MYBPHL: variants seen among roughly 807,000 people sequenced by gnomAD.
The protein encoded by MYBPHL is myosin binding protein H like.
In MYBPHL, 32 loss-of-function variants were observed where a neutral mutation model predicts 39.5. The observed-to-expected ratio is 0.81, with a 90% CI of 0.61 to 1.09. The LOEUF (loss-of-function observed/expected upper bound fraction) is 1.09, where lower values mean the gene tolerates loss of function less well. Ranked by LOEUF, MYBPHL falls within the 50% of genes least tolerant of loss-of-function variation. MYBPHL has a pLI of 0.00. For missense variants in MYBPHL, 456 were observed against 460.2 expected, an observed-to-expected ratio of 0.99 and a Z score of 0.08; for synonymous variants, 196 against 183.7, an observed-to-expected ratio of 1.07 and a Z score of -0.54.
At chr1:109,304,425 G>A (rs1658395470) in intron 1 of MYBPHL, among the ~76,000 whole-genome samples, 1 of 152,234 alleles carries the variant, frequency 6.6e-6, no homozygotes, top group Non-Finnish European at 1.5e-5. Flanking sequence ...CGATGATGCT[G>A]AAGTCAGCAG....
Position 109,294,131 on chromosome 1 carries a change from C to T in MYBPHL, c.*33+75G>A, listed in dbSNP as rs540047149. On this transcript the variant is annotated intron_variant, in intron 8 of 8. Coordinates refer to ENST00000357155, the MANE Select transcript of MYBPHL (RefSeq NM_001010985.3). ...ATGACTGAAAGGCTCAGGAATGCACCTCTGTCCCTGACTCAACAACACTAG... is the reference window on the plus strand; with the variant it reads ...ATGACTGAAAGGCTCAGGAATGCACTTCTGTCCCTGACTCAACAACACTAG... 1.0e-4 allele frequency: 102 copies of T among 997,826 alleles called. 3 individuals are homozygous for T. In the South Asian group the frequency reaches 1.2e-3, roughly 11 times the overall value. The allele number at this position is 997,826 out of a possible 1,614,324, so 61.8% of individuals were successfully genotyped here.
rs3738777 is a variant in MYBPHL, at chr1:109,294,213, A to G, written c.*26T>C. The G allele has an allele frequency of 0.31, 493,709 of 1,592,632 alleles. 80,189 individuals are homozygous for G. The highest frequency in any genetic ancestry group is 0.48 in the East Asian group (21,338 of 44,740). On this transcript the variant is annotated 3_prime_UTR_variant, in exon 8 of 9. Coordinates refer to ENST00000357155, the MANE Select transcript of MYBPHL (RefSeq NM_001010985.3). ...TTGCCTCTCTTTACTTACCTTTGTC[A>G]GAGTACCATGCCTTCTTAGGTGTCC... is the stretch of plus-strand genomic sequence containing the variant.
intron 1 of MYBPHL, among the ~76,000 whole-genome samples, chr1:109,300,499 C>A (rs558427923): frequency 4.6e-5 from 7 of 152,346 alleles, no homozygotes; most frequent in Admixed American, 3.9e-4. Flanking sequence ...CCCCGCCCTG[C>A]TGAGACCTCA....
Position 109,301,966 on chromosome 1 carries a change from A to G in MYBPHL, c.146-3709T>C, listed in dbSNP as rs1406103471. Among the ~76,000 whole-genome samples the G allele has an allele frequency of 3.9e-5, 6 of 152,126 alleles. No individual in the cohort carries two copies. In the East Asian group the frequency reaches 1.2e-3, roughly 29 times the overall value. On this transcript the variant is annotated intron_variant, in intron 1 of 8. Transcript: ENST00000357155. Reference sequence around the variant, plus strand: ...ATAGTTCAGACCGATGTTACTAACTATGACCTGGAGAGCCAAGAACCAAGA... The same window carrying G: ...ATAGTTCAGACCGATGTTACTAACTGTGACCTGGAGAGCCAAGAACCAAGA...
Position 109,297,113 on chromosome 1 carries a change from G to A in MYBPHL, c.507C>T (p.Pro169=). ...GFSATLEWTP[P]QDTGNTALLG... The stretch of plus-strand genomic sequence containing the variant: ...GAAGTGCTGTATTCCCCGTATCTTG[G>A]GGCGGTGTCCATTCCAGTGTAGCGC... Residue 169 remains proline, a synonymous_variant, in exon 4 of 9, where the codon CCC becomes CCT. Coordinates refer to ENST00000357155, the MANE Select transcript of MYBPHL (RefSeq NM_001010985.3). 6.2e-7 allele frequency: 1 copy of A among 1,614,120 alleles called. No individual in the cohort carries two copies.
At chr1:109,300,627 A>T (rs1658244563) in intron 1 of MYBPHL, among the ~76,000 whole-genome samples, 1 of 152,252 alleles carries the variant, frequency 6.6e-6, no homozygotes, top group South Asian at 2.1e-4. Flanking sequence ...ACCTGAACTA[A>T]AGAGAAAAAT....
chr1:109,306,721 C>T lies in MYBPHL; in HGVS notation c.145+126G>A. 3 of 772,690 alleles carry T rather than the reference C, an allele frequency of 3.9e-6. No homozygotes were observed. In the South Asian group the frequency reaches 7.2e-5, roughly 18 times the overall value. The allele number at this position is 772,690 out of a possible 1,614,324, so 47.9% of individuals were successfully genotyped here. Reference sequence around the variant, plus strand: ...GGGGCTCTCACGAATGATCTCCAGCCTAATCACCAATCCTATAGAGTCTTT... The same window carrying T: ...GGGGCTCTCACGAATGATCTCCAGCTTAATCACCAATCCTATAGAGTCTTT... On this transcript the variant is annotated intron_variant, in intron 1 of 8. Transcript: ENST00000357155.
chr1:109,302,079 GTGTT>G (rs1369390036), intron 1 of MYBPHL, among the ~76,000 whole-genome samples: 4 of 151,934 alleles, frequency 2.6e-5, no homozygotes, highest in African/African-American at 9.7e-5. Flanking sequence ...GTGAATGTGT[GTGTT>G]TGTGTACGTG....
intron 2 of MYBPHL, among the ~76,000 whole-genome samples, chr1:109,297,862 G>A (rs994725932): frequency 3.9e-5 from 6 of 152,208 alleles, no homozygotes; most frequent in Non-Finnish European, 8.8e-5. Context: ...AACACCCGGG[G>A]CAGCTGGGAC....
intron 8 of MYBPHL, among the ~76,000 whole-genome samples, chr1:109,293,861 C>T (rs139524667): frequency 5.3e-5 from 8 of 152,034 alleles, no homozygotes; most frequent in East Asian, 3.9e-4. Context: ...GTCAGGAGTT[C>T]GAGACCAGCC....
rs533747453 is a variant in MYBPHL, at chr1:109,299,120, C to T, written c.146-863G>A. Reference sequence around the variant, plus strand: ...CACAAACATTCCACCTGCGTTCCCTCGGGGGCCTGGCTGAGACAGACACCA... The same window carrying T: ...CACAAACATTCCACCTGCGTTCCCTTGGGGGCCTGGCTGAGACAGACACCA... On this transcript the variant is annotated intron_variant, in intron 1 of 8. Transcript: ENST00000357155. 1.3e-3 allele frequency among the ~76,000 whole-genome samples: 194 copies of T among 152,322 alleles called. 1 individual carries two copies. The highest frequency in any genetic ancestry group is 4.6e-3 in the African/African-American group (190 of 41,568).
In MYBPHL at chr1:109,295,149, A is replaced by T. The variant is rs769077063; in HGVS notation, c.1016T>A (p.Leu339Gln). Residue 339 changes from leucine (L) to glutamine (Q), a missense_variant, in exon 7 of 9, where the codon CTA (leucine) becomes CAA (glutamine). Transcript: ENST00000357155. ...GIYTCKAVNP[L>Q]GEASVDCRVD... is the part of the protein sequence containing the mutation. ...CCGACAGTCCACAGATGCCTCCCCTAGGGGGTTCACCGCCTTGCAGGTATA... is the reference window on the plus strand; with the variant it reads ...CCGACAGTCCACAGATGCCTCCCCTTGGGGGTTCACCGCCTTGCAGGTATA... The T allele has an allele frequency of 1.2e-6, 2 of 1,613,764 alleles. No homozygotes were observed.
chr1:109,295,771 T>A (rs535611054), intron 6 of MYBPHL, among the ~76,000 whole-genome samples: 1 of 152,306 alleles, frequency 6.6e-6, no homozygotes, highest in South Asian at 2.1e-4. Context: ...AAAAGATTCT[T>A]GGTACAGGTT....
chr1:109,297,656 G>A (rs1658132225), intron 2 of MYBPHL, 39 bp from the exon 3 acceptor site: 3 of 1,558,242 alleles, frequency 1.9e-6, no homozygotes, highest in South Asian at 2.3e-5. Context: ...GCCCCGAGAG[G>A]CTTCCTGACT....
rs372851526 is a variant in MYBPHL at position 109,296,836 on chromosome 1, C to T, written c.677G>A (p.Gly226Glu). 8.7e-6 allele frequency: 14 copies of T among 1,614,006 alleles called. No homozygotes were observed. The highest frequency in any genetic ancestry group is 1.2e-5 in the Non-Finnish European group (14 of 1,180,032). ...AGTGATGGGGGCTGTTTCACTGAGTCCGCACTGGTTTTCAGCAAAGACACG... is the reference window on the plus strand; with the variant it reads ...AGTGATGGGGGCTGTTTCACTGAGTTCGCACTGGTTTTCAGCAAAGACACG... ...AFRVFAENQC[G>E]LSETAPITTD... Residue 226 changes from glycine to glutamate, a missense_variant, in exon 5 of 9, where the codon GGA becomes GAA. Gly to Glu is a moderately conservative substitution (Grantham distance 98). Transcript: ENST00000357155.
At chr1:109,299,091 G>T (rs893992400) in intron 1 of MYBPHL, among the ~76,000 whole-genome samples, 1 of 152,174 alleles carries the variant, frequency 6.6e-6, no homozygotes, top group South Asian at 2.1e-4. Context: ...CTCAGCTGCC[G>T]AAGCACAAAC....
intron 8 of MYBPHL, among the ~76,000 whole-genome samples, chr1:109,293,377 G>A (rs1026878682): frequency 6.6e-6 from 1 of 152,200 alleles, no homozygotes; most frequent in Non-Finnish European, 1.5e-5. Flanking sequence ...TGCAGACATA[G>A]AGAGGATATG....
rs771724099 is a variant in MYBPHL, at chr1:109,296,898, G to A, written c.615C>T (p.Ile205=). The change falls in exon 5 of 9, where the codon ATC becomes ATT. Residue 205 remains isoleucine (I), a synonymous_variant. Coordinates refer to ENST00000357155, the MANE Select transcript of MYBPHL (RefSeq NM_001010985.3). ...VLEHYHRTSC[I]VSDLIIGNSY... ...AGTTGCCGATGATGAGGTCAGAGACGATGCAGCTGGTGCGGTGATAGTGCT... is the reference window on the plus strand; with the variant it reads ...AGTTGCCGATGATGAGGTCAGAGACAATGCAGCTGGTGCGGTGATAGTGCT... 47 of 1,614,048 alleles carry A rather than the reference G, an allele frequency of 2.9e-5. No individual in the cohort carries two copies. In the South Asian group the frequency reaches 3.2e-4, roughly 11 times the overall value.
At position 109,297,548 on chromosome 1, in the gene MYBPHL, GCACACT is replaced by G. The variant is rs752721164; in HGVS notation, c.298_303del (p.Ser100_Val101del). The G allele has an allele frequency of 1.2e-6, 2 of 1,613,906 alleles. No homozygotes were observed. Among genetic ancestry groups the G allele is most frequent in the East Asian group, 4.5e-5 (2 of 44,882 alleles). On this transcript the variant is annotated inframe_deletion, in exon 3 of 9. Coordinates refer to ENST00000357155, the MANE Select transcript of MYBPHL (RefSeq NM_001010985.3). The stretch of plus-strand genomic sequence containing the variant: ...AGGATGGAGTCTTGCTCCCCATTCC[GCACACT>G]CACACGCCTGGTGTCCAAGGCACAG...
Sources: allele counts gnomAD v4.1 joint callset (sites outside exome capture counted in the v4.1 genomes callset), GRCh38; gene constraint gnomAD v4.1.1; transcripts MANE v1.5; gene names NCBI Gene and HGNC (gene_info 2026-07-23, HGNC 2026-07-21).